PCCA: variants seen among roughly 807,000 people sequenced by gnomAD.
PCCA encodes propionyl-CoA carboxylase alpha chain, mitochondrial.
A neutral mutation model predicts 101.3 loss-of-function variants in PCCA; 74 were observed. The ratio of observed to expected loss-of-function variants is 0.73; its 90% CI spans 0.61 to 0.89. The LOEUF (loss-of-function observed/expected upper bound fraction) is 0.89. Ranked by LOEUF, PCCA falls within the 40% of genes least tolerant of loss-of-function variation. The probability of loss-of-function intolerance (pLI) is 0.00; values close to 1 mark genes in which losing one functional copy is unlikely to be tolerated. For missense variants in PCCA, 891 were observed against 907.0 expected (o/e 0.98, Z 0.23); for synonymous variants, 294 against 313.6 (o/e 0.94, Z 0.66).
intron 21 of PCCA, among the ~76,000 whole-genome samples, chr13:100,478,850 C>T (rs2083646385): frequency 6.6e-6 from 1 of 152,132 alleles, no homozygotes. Context: ...TGGGGCTCCT[C>T]ATATTATAGT....
At chr13:100,100,813 G>GT (rs887969116) in intron 1 of PCCA, among the ~76,000 whole-genome samples, 1 of 148,916 alleles carries the variant, frequency 6.7e-6, no homozygotes, top group Non-Finnish European at 1.5e-5. Context: ...TTGAGACAGT[G>GT]TTTCGCTCTT....
At position 100,348,728 on chromosome 13, in the gene PCCA, C is replaced by CTTTT. The variant is rs1267837296; in HGVS notation, c.1643+8472_1643+8473insTTTT. On this transcript the variant is annotated intron_variant, in intron 18 of 23. Coordinates refer to ENST00000376285, the MANE Select transcript of PCCA (RefSeq NM_000282.4). The stretch of plus-strand genomic sequence containing the variant: ...CAGCTTTTACTTTCCGTTTTTTTTC[C>CTTTT]TTTCTTTCTTTCTTTCTTTCTTTCT... Among the ~76,000 whole-genome samples, 279 of 64,962 alleles carry CTTTT rather than the reference C, an allele frequency of 4.3e-3. 10 individuals are homozygous for CTTTT. Among genetic ancestry groups the CTTTT allele is most frequent in the African/African-American group, 8.3e-3 (104 of 12,512 alleles). 42.6% of individuals were successfully genotyped at this position (64,962 alleles called of 152,430 possible).
intron 21 of PCCA, among the ~76,000 whole-genome samples, chr13:100,452,363 A>G (rs111776808): frequency 0.027 from 4,065 of 151,492 alleles, 171 homozygotes; most frequent in African/African-American, 0.092. Context: ...CTGCCATGCT[A>G]CTCCCTAGTC....
At chr13:100,234,354 C>T (rs892349884) in intron 7 of PCCA, among the ~76,000 whole-genome samples, 8 of 151,854 alleles carry the variant, frequency 5.3e-5, no homozygotes, top group Admixed American at 1.3e-4. Flanking sequence ...AAAACAGCAA[C>T]GTGTAATAAA....
At chr13:100,229,707 A>G (rs2060353877) in intron 7 of PCCA, among the ~76,000 whole-genome samples, 1 of 152,246 alleles carries the variant, frequency 6.6e-6, no homozygotes, top group African/African-American at 2.4e-5. Flanking sequence ...GAAACCGGAC[A>G]CAGCAGTAGG....
At chr13:100,527,776 C>T in intron 23 of PCCA, 24 bp downstream of exon 23, 1 of 1,544,964 alleles carries the variant, frequency 6.5e-7, no homozygotes, top group East Asian at 2.2e-5. Flanking sequence ...TCCCCATCAG[C>T]CCAGGCCGGC....
intron 15 of PCCA, among the ~76,000 whole-genome samples, chr13:100,307,912 G>A (rs1377540596): frequency 6.6e-6 from 1 of 152,270 alleles, no homozygotes; most frequent in Non-Finnish European, 1.5e-5. Context: ...AGCCTGGAGT[G>A]CAGTGGCACG....
intron 20 of PCCA, among the ~76,000 whole-genome samples, chr13:100,434,701 C>T (rs2079803219): frequency 6.6e-6 from 1 of 152,178 alleles, no homozygotes; most frequent in African/African-American, 2.4e-5. Context: ...TGCTTTTCTC[C>T]TGCACAATCC....
intron 18 of PCCA, among the ~76,000 whole-genome samples, chr13:100,340,690 TGTGAGAC>T: frequency 6.6e-6 from 1 of 152,350 alleles, no homozygotes; most frequent in South Asian, 2.1e-4. Context: ...GTTAGTCATT[TGTGAGAC>T]ACAAGTGTGC....
In PCCA at chr13:100,364,663, T is replaced by C. The variant is rs982762687; in HGVS notation, c.1644-3809T>C. The stretch of plus-strand genomic sequence containing the variant: ...GTTTGTAGAAGAGTGAACTTACAAA[T>C]AGATTTCACAGTTTCGACTCTGTTT... On this transcript the variant is annotated intron_variant, in intron 18 of 23. Coordinates refer to ENST00000376285, the MANE Select transcript of PCCA (RefSeq NM_000282.4). Among the ~76,000 whole-genome samples the C allele has an allele frequency of 5.9e-5, 9 of 152,314 alleles. No homozygotes were observed. In the East Asian group the frequency reaches 1.4e-3, roughly 23 times the overall value.
intron 21 of PCCA, among the ~76,000 whole-genome samples, chr13:100,486,846 G>C (rs2084415131): frequency 6.6e-6 from 1 of 152,176 alleles, no homozygotes; most frequent in Non-Finnish European, 1.5e-5. Context: ...TTGAGCCCAG[G>C]AAGTCAAGGC....
chr13:100,120,493 A>G (rs563726457), intron 4 of PCCA, among the ~76,000 whole-genome samples: 2 of 152,334 alleles, frequency 1.3e-5, no homozygotes, highest in East Asian at 1.9e-4. Flanking sequence ...TCTTAAAACA[A>G]TATGACATCC....
intron 4 of PCCA, among the ~76,000 whole-genome samples, chr13:100,114,621 G>T (rs558510902): frequency 2.0e-5 from 3 of 152,174 alleles, no homozygotes; most frequent in Admixed American, 2.0e-4. Context: ...AGGGGCAAAA[G>T]ATCTGAATAG....
chr13:100,153,733 C>G (rs1195317310), intron 4 of PCCA, among the ~76,000 whole-genome samples: 1 of 152,008 alleles, frequency 6.6e-6, no homozygotes, highest in Non-Finnish European at 1.5e-5. Flanking sequence ...TTTAGAAGCC[C>G]TTTGCAAGCA....
intron 1 of PCCA, among the ~76,000 whole-genome samples, chr13:100,092,911 TA>T (rs1435486315): frequency 2.6e-5 from 4 of 152,188 alleles, no homozygotes; most frequent in Admixed American, 1.3e-4. Flanking sequence ...GTTTCTGGTG[TA>T]AAAAAATGTT....
intron 7 of PCCA, among the ~76,000 whole-genome samples, chr13:100,226,654 G>A (rs1378799676): frequency 6.6e-6 from 1 of 152,176 alleles, no homozygotes; most frequent in Non-Finnish European, 1.5e-5. Context: ...GTTTTTTCCA[G>A]TATTGTAGCG....
intron 18 of PCCA, among the ~76,000 whole-genome samples, chr13:100,365,501 A>G (rs1424720510): frequency 6.6e-6 from 1 of 152,212 alleles, no homozygotes; most frequent in African/African-American, 2.4e-5. Flanking sequence ...GAAATTCTCA[A>G]TCCCTACTCC....
At chr13:100,516,736 C>CGTGTGTGTGTGT (rs3840000) in intron 22 of PCCA, among the ~76,000 whole-genome samples, 10 of 144,970 alleles carry the variant, frequency 6.9e-5, no homozygotes, top group African/African-American at 7.6e-5. Flanking sequence ...AGAAAAATTA[C>CGTGTGTGTGTGT]GTGTGTGTGT....
rs71114671 is a variant in PCCA, at chr13:100,105,844, C to CAAAAAAAAAAA, written c.183+2907_183+2917dup. ...TAGGCTAAAGGGCAAGATCCTGTCTCAAAAAAAAAAAAAAAAAAAAAAAAA... is the reference window on the plus strand; with the variant it reads ...TAGGCTAAAGGGCAAGATCCTGTCTCAAAAAAAAAAAAAAAAAAAAAAAAAAAAAAAAAAAA... On this transcript the variant is annotated intron_variant, in intron 2 of 23. Coordinates refer to ENST00000376285, the MANE Select transcript of PCCA (RefSeq NM_000282.4). 3.1e-3 allele frequency among the ~76,000 whole-genome samples: 195 copies of CAAAAAAAAAAA among 62,510 alleles called. 1 individual carries two copies. Among genetic ancestry groups the CAAAAAAAAAAA allele is most frequent in the Admixed American group, 4.7e-3 (18 of 3,794 alleles). The allele number at this position is 62,510 out of a possible 152,430, so 41.0% of individuals were successfully genotyped here.
Sources: allele counts gnomAD v4.1 joint callset (sites outside exome capture counted in the v4.1 genomes callset), GRCh38; gene constraint gnomAD v4.1.1; transcripts MANE v1.5; gene names NCBI Gene and HGNC (gene_info 2026-07-23, HGNC 2026-07-21).